The following GLDN variants were observed in gnomAD, a reference collection of about 807,000 sequenced individuals.
GLDN encodes the protein gliomedin, also known as collomin.
In GLDN, 47 loss-of-function variants were observed where a neutral mutation model predicts 56.5. The ratio of observed to expected loss-of-function variants is 0.83; its 90% CI spans 0.66 to 1.06. The LOEUF (loss-of-function observed/expected upper bound fraction) is 1.06, where lower values mean the gene tolerates loss of function less well. GLDN is among the 50% of genes least tolerant of loss of function. GLDN has a pLI of 0.00. For synonymous variants in GLDN, 332 were observed against 278.8 expected, an observed-to-expected ratio of 1.19 and a Z score of -1.90; for missense variants, 782 against 714.3, an observed-to-expected ratio of 1.09 and a Z score of -1.08.
intron 4 of GLDN, among the ~76,000 whole-genome samples, chr15:51,386,708 G>A (rs1333221430): frequency 2.6e-5 from 4 of 152,192 alleles, no homozygotes; most frequent in South Asian, 2.1e-4. Flanking sequence ...GGGCGGGGGC[G>A]GAAAGACCCA....
At chr15:51,375,970 T>C (rs2037621797) in intron 1 of GLDN, among the ~76,000 whole-genome samples, 1 of 152,198 alleles carries the variant, frequency 6.6e-6, no homozygotes, top group Admixed American at 6.5e-5. Flanking sequence ...GGCAATTCCC[T>C]CGTCATCCTC....
intron 1 of GLDN, among the ~76,000 whole-genome samples, chr15:51,355,954 T>A (rs934870330): frequency 2.7e-5 from 4 of 147,344 alleles, no homozygotes; most frequent in Non-Finnish European, 6.0e-5. Context: ...ACGCCTGTAA[T>A]CCCAACACTT....
chr15:51,351,147 C>A, intron 1 of GLDN: 1 of 296,364 alleles, frequency 3.4e-6, no homozygotes, highest in South Asian at 3.8e-5. Flanking sequence ...CCTCCCAGTT[C>A]AAAATGCTTG....
At chr15:51,400,732 A>G (rs1275316428) in intron 8 of GLDN, among the ~76,000 whole-genome samples, 2 of 152,216 alleles carry the variant, frequency 1.3e-5, no homozygotes, top group African/African-American at 4.8e-5. Flanking sequence ...TAACCCAGAT[A>G]TCGCCTGTTT....
chr15:51,360,193 C>T (rs917722204), intron 1 of GLDN: 5 of 152,188 alleles, frequency 3.3e-5, no homozygotes, highest in African/African-American at 7.2e-5. Context: ...GCAGGCTGAA[C>T]GAGACAGATG....
In GLDN at chr15:51,387,064, T is replaced by C. The variant is rs1272403321; in HGVS notation, c.541+3172T>C. Among the ~76,000 whole-genome samples the C allele has an allele frequency of 3.3e-5, 5 of 151,672 alleles. No individual in the cohort carries two copies. In the South Asian group the frequency reaches 1.0e-3, roughly 32 times the overall value. On this transcript the variant is annotated intron_variant, in intron 4 of 9. Transcript: ENST00000335449. ...AGGCACCTGGGCATGTGGGCAGGGG[T>C]GAAGTCACTTAGGGAGAGAGCTTGG...
intron 4 of GLDN, among the ~76,000 whole-genome samples, chr15:51,387,494 G>A (rs1021163521): frequency 6.6e-6 from 1 of 152,174 alleles, no homozygotes; most frequent in Non-Finnish European, 1.5e-5. Flanking sequence ...CGGTCACACA[G>A]CCAGGCGAGG....
chr15:51,349,465 G>A (rs564597076), intron 1 of GLDN, among the ~76,000 whole-genome samples: 3 of 152,206 alleles, frequency 2.0e-5, no homozygotes, highest in Admixed American at 6.5e-5. Flanking sequence ...TAAATGGGTG[G>A]GGAAAAAACA....
In GLDN at chr15:51,401,866, T is replaced by C. The variant is rs887169388; in HGVS notation, c.1178+123T>C. 20 of 827,758 alleles carry C rather than the reference T, an allele frequency of 2.4e-5. No homozygotes were observed. In the South Asian group the frequency reaches 3.6e-4, roughly 15 times the overall value. The allele number at this position is 827,758 out of a possible 1,614,324, so 51.3% of individuals were successfully genotyped here. ...CTTTGTGTCCCTAGGGCTGACACAC[T>C]GAGGTCAATCAGGGTTTGTCGACTG... On this transcript the variant is annotated intron_variant, in intron 9 of 9. Coordinates refer to ENST00000335449, the MANE Select transcript of GLDN (RefSeq NM_181789.4).
At chr15:51,402,845 A>C (rs1314005569) in intron 9 of GLDN, among the ~76,000 whole-genome samples, 2 of 151,768 alleles carry the variant, frequency 1.3e-5, no homozygotes, top group Non-Finnish European at 2.9e-5. Flanking sequence ...TCTACATGAC[A>C]CCCCCATCAT....
At chr15:51,381,031 T>C (rs768141375) in intron 2 of GLDN, among the ~76,000 whole-genome samples, 2 of 152,202 alleles carry the variant, frequency 1.3e-5, no homozygotes, top group Non-Finnish European at 2.9e-5. Context: ...GGCCTGGGTA[T>C]CTGCATTTAC....
chr15:51,397,422 C>A (rs759149598), intron 5 of GLDN, 48 bp from the exon 6 acceptor site: 1 of 1,056,052 alleles, frequency 9.5e-7, no homozygotes, highest in Non-Finnish European at 1.3e-6. Flanking sequence ...CCCCTTCCCC[C>A]TTCTACCTCT....
In GLDN at chr15:51,404,454, G is replaced by A; in HGVS notation, c.1356G>A (p.Leu452=). 6.2e-7 allele frequency: 1 copy of A among 1,614,124 alleles called. No individual in the cohort carries two copies. Among genetic ancestry groups the A allele is most frequent in the South Asian group, 1.1e-5 (1 of 91,068 alleles). Reference sequence around the variant, plus strand: ...GCTCGAGCATTCTTGTAGCACAACTGGATGAGAGGACATTCTCAGTGGTGC... The same window carrying A: ...GCTCGAGCATTCTTGTAGCACAACTAGATGAGAGGACATTCTCAGTGGTGC... ...VDGSSILVAQ[L]DERTFSVVQH... Residue 452 remains leucine (L), a synonymous_variant, in exon 10 of 10, where the codon CTG becomes CTA. Transcript: ENST00000335449.
At chr15:51,398,638 C>G (rs766879615) in intron 6 of GLDN, among the ~76,000 whole-genome samples, 1 of 152,162 alleles carries the variant, frequency 6.6e-6, no homozygotes, top group Non-Finnish European at 1.5e-5. Context: ...TCAAAATGGG[C>G]GAATCTGTGC....
chr15:51,397,743 T>C, intron 6 of GLDN, 145 bp downstream of exon 6: 1 of 1,090,526 alleles, frequency 9.2e-7, no homozygotes, highest in Non-Finnish European at 1.2e-6. Context: ...TGCAAACTTC[T>C]CACAGGAGTT....
intron 1 of GLDN, among the ~76,000 whole-genome samples, chr15:51,366,008 C>A (rs2037393542): frequency 6.6e-6 from 1 of 152,208 alleles, no homozygotes; most frequent in South Asian, 2.1e-4. Flanking sequence ...CGCTACCAAA[C>A]AACTTCTTAA....
chr15:51,387,728 GTGT>G (rs991381830), intron 4 of GLDN, among the ~76,000 whole-genome samples: 99 of 152,168 alleles, frequency 6.5e-4, no homozygotes, highest in Non-Finnish European at 7.3e-5. Context: ...AAGGGAACAA[GTGT>G]TGTTTCCAAG....
chr15:51,388,578 C>T (rs977771388), intron 4 of GLDN, among the ~76,000 whole-genome samples: 2 of 152,214 alleles, frequency 1.3e-5, no homozygotes, highest in Admixed American at 1.3e-4. Context: ...TTAGTTCCTA[C>T]CTTCAGTGCC....
chr15:51,402,840 A>G (rs941953894), intron 9 of GLDN, among the ~76,000 whole-genome samples: 6 of 152,046 alleles, frequency 3.9e-5, no homozygotes, highest in African/African-American at 1.4e-4. Flanking sequence ...TCCCATCTAC[A>G]TGACACCCCC....
Sources: gnomAD v4.1 joint callset for allele counts (sites outside exome capture counted in the v4.1 genomes callset) on GRCh38, gnomAD v4.1.1 for gene constraint, MANE v1.5 for transcripts, NCBI Gene and HGNC (gene_info 2026-07-23, HGNC 2026-07-21) for gene names.